Variants in SP2 observed in about 807,000 individuals in gnomAD.
The protein encoded by SP2 is transcription factor Sp2.
In SP2, 9 loss-of-function variants were observed where a neutral mutation model predicts 50.1. The observed-to-expected ratio is 0.18, with a 90% CI of 0.11 to 0.31. The LOEUF is 0.31. Among genes scored for constraint, SP2 ranks in the 10% least tolerant of loss-of-function variants. The pLI, the probability that SP2 is intolerant of heterozygous loss-of-function variation, is 1.00. For synonymous variants in SP2, 313 were observed against 326.6 expected, an observed-to-expected ratio of 0.96 and a Z score of 0.45; for missense variants, 581 against 806.5, an observed-to-expected ratio of 0.72 and a Z score of 3.39.
At chr17:47,926,371 G>A (rs2035652345) in intron 6 of SP2, among the ~76,000 whole-genome samples, 1 of 150,422 alleles carries the variant, frequency 6.6e-6, no homozygotes. Context: ...AGAGTGCAGT[G>A]GCACAATCTT....
intron 1 of SP2, among the ~76,000 whole-genome samples, chr17:47,904,818 A>G (rs1040334129): frequency 6.6e-6 from 1 of 152,204 alleles, no homozygotes; most frequent in African/African-American, 2.4e-5. Flanking sequence ...CATTCAGGCC[A>G]GAGCACAGTG....
chr17:47,920,265 G>A (rs992719127), intron 3 of SP2, among the ~76,000 whole-genome samples: 3 of 150,618 alleles, frequency 2.0e-5, no homozygotes, highest in African/African-American at 7.3e-5. Context: ...ACAGATACCC[G>A]CCTCTGCGCC....
chr17:47,915,481 C>T, intron 2 of SP2, 93 bp downstream of exon 2: 1 of 760,908 alleles, frequency 1.3e-6, no homozygotes, highest in South Asian at 1.9e-5. Context: ...ACTATAAATA[C>T]CCTAGGTTAT....
chr17:47,925,347 G>C lies in SP2; in HGVS notation c.1548-1G>C, dbSNP rs1218601588. ...CACTCCACCCTCACCCCAATTCTCA[G>C]GTCTGGAGAGCAGGGCAAGAAGAAG... On this transcript the variant is annotated splice_acceptor_variant, in intron 5 of 6. Coordinates refer to ENST00000376741, the MANE Select transcript of SP2 (RefSeq NM_003110.6). LOFTEE classifies it high-confidence loss of function. 1 of 1,612,046 alleles carries C rather than the reference G, an allele frequency of 6.2e-7. No individual in the cohort carries two copies. Among genetic ancestry groups the C allele is most frequent in the African/African-American group, 1.3e-5 (1 of 74,924 alleles).
chr17:47,896,436 G>A, intron 1 of SP2, 143 bp downstream of exon 1: 1 of 604,584 alleles, frequency 1.7e-6, no homozygotes, highest in Non-Finnish European at 2.4e-6. Context: ...CAGGAGGGGC[G>A]GGGGAGGGAG....
At chr17:47,919,643 AC>A (rs1356539894) in intron 3 of SP2, among the ~76,000 whole-genome samples, 3 of 151,914 alleles carry the variant, frequency 2.0e-5, no homozygotes, top group Admixed American at 6.6e-5. Context: ...ATTCTACATT[AC>A]CACAATACAA....
At position 47,928,000 on chromosome 17, in the gene SP2, C is replaced by A; in HGVS notation, c.*176C>A. 1 of 593,050 alleles carries A rather than the reference C, an allele frequency of 1.7e-6. No homozygotes were observed. The highest frequency in any genetic ancestry group is 2.8e-5 in the East Asian group (1 of 35,412). 36.7% of individuals were successfully genotyped at this position (593,050 alleles called of 1,614,324 possible). On this transcript the variant is annotated 3_prime_UTR_variant, in exon 7 of 7. Transcript: ENST00000376741. ...CTGTATTGTCCTCCTTCTGAAGCCCCTTGGCTCTGCCTTGGCCCTTCCCCT... is the reference window on the plus strand; with the variant it reads ...CTGTATTGTCCTCCTTCTGAAGCCCATTGGCTCTGCCTTGGCCCTTCCCCT...
intron 6 of SP2, among the ~76,000 whole-genome samples, chr17:47,926,216 T>C (rs2035644966): frequency 6.6e-6 from 1 of 151,678 alleles, no homozygotes; most frequent in Non-Finnish European, 1.5e-5. Context: ...TGCGCCGGCC[T>C]GTTGATGCCC....
At chr17:47,909,698 A>G (rs1256009534) in intron 1 of SP2, 1 of 984,082 alleles carries the variant, frequency 1.0e-6, no homozygotes, top group Non-Finnish European at 1.2e-6. Context: ...GGACCATCCC[A>G]CTAATGAACC....
intron 1 of SP2, among the ~76,000 whole-genome samples, chr17:47,901,743 G>A (rs1034458678): frequency 6.6e-6 from 1 of 152,154 alleles, no homozygotes; most frequent in Non-Finnish European, 1.5e-5. Flanking sequence ...CCCAGCTGTG[G>A]AGTGGATCCT....
chr17:47,907,564 T>G (rs1371700550), intron 1 of SP2, among the ~76,000 whole-genome samples: 1 of 152,244 alleles, frequency 6.6e-6, no homozygotes, highest in African/African-American at 2.4e-5. Context: ...AAAGTCTGAA[T>G]GATATAACTT....
downstream of SP2, chr17:47,929,663 A>G (rs9895863): frequency 0.48 from 72,885 of 152,550 alleles, 17,681 homozygotes; most frequent in East Asian, 0.76. Flanking sequence ...GTTTTGCAGA[A>G]CTAATAGGAA....
At chr17:47,924,334 C>T (rs968781420) in intron 4 of SP2, among the ~76,000 whole-genome samples, 2 of 9,112 alleles carry the variant, frequency 2.2e-4, no homozygotes, top group Non-Finnish European at 2.2e-3. Context: ...TGGGGGTCTC[C>T]CTATATGCCC....
Position 47,928,043 on chromosome 17 carries a change from C to A in SP2, c.*219C>A. 1 of 535,630 alleles carries A rather than the reference C, an allele frequency of 1.9e-6. No individual in the cohort carries two copies. Among genetic ancestry groups the A allele is most frequent in the Non-Finnish European group, 3.4e-6 (1 of 296,918 alleles). The allele number at this position is 535,630 out of a possible 1,614,324, so 33.2% of individuals were successfully genotyped here. On this transcript the variant is annotated 3_prime_UTR_variant, in exon 7 of 7. Coordinates refer to ENST00000376741, the MANE Select transcript of SP2 (RefSeq NM_003110.6). ...CTTCCCCTCACCACGAGCTCCCGGC[C>A]TGCCCAGACTGTGGACACTGGCCGT...
At chr17:47,913,765 T>G (rs1251529264) in intron 1 of SP2, among the ~76,000 whole-genome samples, 1 of 152,096 alleles carries the variant, frequency 6.6e-6, no homozygotes, top group Non-Finnish European at 1.5e-5. Context: ...CTCAACCTTA[T>G]TTTTCTTTAT....
rs764970167 is a variant in SP2, at chr17:47,916,650, C to G, written c.579C>G (p.Pro193=). The change falls in exon 3 of 7, where the codon CCC becomes CCG. Residue 193 remains proline (P), a synonymous_variant. Coordinates refer to ENST00000376741, the MANE Select transcript of SP2 (RefSeq NM_003110.6). This position sits in a 1 kb window ranked among gnomAD's most constrained non-coding sequence, Gnocchi z 4.7. ...AGAAGTCGAGTACGACCACCACCCC[C>G]GTGCAGAGCGGGGCCAATGTGGTGA... is the stretch of plus-strand genomic sequence containing the variant. ...PIQKSSTTTT[P]VQSGANVVKL... is the part of the protein sequence containing the mutation. 1.9e-6 allele frequency: 3 copies of G among 1,613,890 alleles called. No individual in the cohort carries two copies. Among genetic ancestry groups the G allele is most frequent in the Non-Finnish European group, 2.5e-6 (3 of 1,179,932 alleles).
chr17:47,923,863 G>A (rs1440867763), intron 4 of SP2, among the ~76,000 whole-genome samples: 3 of 151,852 alleles, frequency 2.0e-5, no homozygotes, highest in Non-Finnish European at 1.5e-5. Flanking sequence ...CACCACGCCC[G>A]ACTAATTTTT....
chr17:47,921,730 C>A (rs1160738481), intron 3 of SP2, among the ~76,000 whole-genome samples: 2 of 152,136 alleles, frequency 1.3e-5, no homozygotes, highest in African/African-American at 4.8e-5. Flanking sequence ...TTGTACCTTC[C>A]CTGCCCCAAC....
intron 1 of SP2, among the ~76,000 whole-genome samples, chr17:47,901,919 T>A (rs2034557681): frequency 1.3e-5 from 2 of 152,146 alleles, no homozygotes; most frequent in South Asian, 4.1e-4. Flanking sequence ...CATCAGTGAG[T>A]AAGGCAGAGA....
Sources: gnomAD v4.1 joint callset for allele counts (sites outside exome capture counted in the v4.1 genomes callset) on GRCh38, gnomAD v4.1.1 for gene constraint, Gnocchi (gnomAD v3.1) non-coding constraint, MANE v1.5 for transcripts, NCBI Gene and HGNC (gene_info 2026-07-23, HGNC 2026-07-21) for gene names.